CTNNA1: variants seen among roughly 807,000 people sequenced by gnomAD.
CTNNA1 encodes the protein catenin alpha-1.
In CTNNA1, 37 loss-of-function variants were observed where a neutral mutation model predicts 98.4. That is an observed-to-expected ratio of 0.38 (90% CI 0.29 to 0.49). The LOEUF (loss-of-function observed/expected upper bound fraction) is 0.49. Ranked by LOEUF, CTNNA1 falls within the 20% of genes least tolerant of loss-of-function variation. The pLI, the probability that CTNNA1 is intolerant of heterozygous loss-of-function variation, is 0.95. For missense variants in CTNNA1, 761 were observed against 1,147.2 expected, an observed-to-expected ratio of 0.66 and a Z score of 4.86; for synonymous variants, 404 against 413.2, an observed-to-expected ratio of 0.98 and a Z score of 0.27.
chr5:138,908,972 G>C (rs1759948755), intron 10 of CTNNA1, among the ~76,000 whole-genome samples: 1 of 152,044 alleles, frequency 6.6e-6, no homozygotes, highest in Admixed American at 6.6e-5. Flanking sequence ...ATTATGTTTT[G>C]CTTGTGAATG....
At chr5:138,806,471 C>G (rs1034599855) in intron 3 of CTNNA1, among the ~76,000 whole-genome samples, 1 of 151,940 alleles carries the variant, frequency 6.6e-6, no homozygotes, top group Non-Finnish European at 1.5e-5. Flanking sequence ...TGTGCTTAAT[C>G]AAAGGTGATC....
rs28363474 is a variant in CTNNA1 at position 138,925,925 on chromosome 5, G to A, written c.1899+518G>A. Among the ~76,000 whole-genome samples the A allele has an allele frequency of 1.7e-3, 256 of 152,246 alleles. 3 individuals carry two copies. The East Asian group carries it at 0.017, about 10-fold the overall frequency. On this transcript the variant is annotated intron_variant, in intron 13 of 17. Coordinates refer to ENST00000302763, the MANE Select transcript of CTNNA1 (RefSeq NM_001903.5). ...CCAGAGTGCCTGGAGGGCCTCTGTC[G>A]CAGGGGCAGAGGAGAAAGGGGCCTC... is the stretch of plus-strand genomic sequence containing the variant.
Position 138,894,277 on chromosome 5 carries a change from T to G in CTNNA1, c.1296+6635T>G, listed in dbSNP as rs546622357. Among the ~76,000 whole-genome samples, 5 of 143,998 alleles carry G rather than the reference T, an allele frequency of 3.5e-5. No homozygotes were observed. The East Asian group carries it at 9.9e-4, about 28-fold the overall frequency. The allele number at this position is 143,998 out of a possible 152,430, so 94.5% of individuals were successfully genotyped here. The stretch of plus-strand genomic sequence containing the variant: ...CATAATATAGAGCCTTTACTTTTCT[T>G]TCTCTTTTTTTTTTTTTTTTTTGAG... On this transcript the variant is annotated intron_variant, in intron 9 of 17. Coordinates refer to ENST00000302763, the MANE Select transcript of CTNNA1 (RefSeq NM_001903.5).
intron 7 of CTNNA1, among the ~76,000 whole-genome samples, chr5:138,842,510 A>G (rs2149820858): frequency 6.6e-6 from 1 of 152,328 alleles, no homozygotes; most frequent in South Asian, 2.1e-4. Flanking sequence ...GTTGTGATAA[A>G]GGATCCTCTC....
At position 138,840,799 on chromosome 5, in the gene CTNNA1, G is replaced by A. The variant is rs570950352; in HGVS notation, c.1062+13081G>A. Among the ~76,000 whole-genome samples, 13 of 151,578 alleles carry A rather than the reference G, an allele frequency of 8.6e-5. No individual in the cohort carries two copies. The South Asian group carries it at 1.7e-3, about 19-fold the overall frequency. On this transcript the variant is annotated intron_variant, in intron 7 of 17. Transcript: ENST00000302763. ...TAAATAAAAACTCATTGTGACTAGG[G>A]CAGTTAAGGATTAAACAAATTGGGT...
chr5:138,884,420 T>C (rs536378191), intron 7 of CTNNA1, among the ~76,000 whole-genome samples: 1 of 152,196 alleles, frequency 6.6e-6, no homozygotes, highest in African/African-American at 2.4e-5. Context: ...AAATTTCTCC[T>C]AAATCAGGAA....
At chr5:138,796,399 C>A (rs1490112995) in intron 3 of CTNNA1, among the ~76,000 whole-genome samples, 5 of 152,080 alleles carry the variant, frequency 3.3e-5, no homozygotes, top group African/African-American at 1.2e-4. Context: ...AAAAAATTAG[C>A]CAGGCGCGGT....
At chr5:138,756,910 G>T (rs900630354) in intron 1 of CTNNA1, among the ~76,000 whole-genome samples, 3 of 152,016 alleles carry the variant, frequency 2.0e-5, no homozygotes, top group Non-Finnish European at 4.4e-5. Context: ...ACTTAAATAT[G>T]GATTGGGGCT....
chr5:138,855,046 G>A (rs1266887388), intron 7 of CTNNA1, among the ~76,000 whole-genome samples: 1 of 152,170 alleles, frequency 6.6e-6, no homozygotes, highest in African/African-American at 2.4e-5. Context: ...TTGTTTGTTT[G>A]TTTTTGTTTT....
At chr5:138,832,410 ATGTGGTTAT>A (rs1175369921) in intron 7 of CTNNA1, among the ~76,000 whole-genome samples, 1 of 152,188 alleles carries the variant, frequency 6.6e-6, no homozygotes, top group Non-Finnish European at 1.5e-5. Flanking sequence ...TTGAAATGAA[ATGTGGTTAT>A]TGTGGTTAAG....
At position 138,873,445 on chromosome 5, in the gene CTNNA1, T is replaced by C. The variant is rs768943323; in HGVS notation, c.1063-12767T>C. On this transcript the variant is annotated intron_variant, in intron 7 of 17. Transcript: ENST00000302763. The surrounding 1 kb of genome is among the most constrained non-coding windows in gnomAD (Gnocchi z 6.1). ...ATTCAGTGGTTGGATCTCTATAAGT[T>C]GTAGCCATGACAGTGACAGTGGTTG... The C allele has an allele frequency of 6.2e-7, 1 of 1,613,916 alleles. No homozygotes were observed. Among genetic ancestry groups the C allele is most frequent in the African/African-American group, 1.3e-5 (1 of 74,926 alleles).
At chr5:138,842,119 G>A (rs28363420) in intron 7 of CTNNA1, among the ~76,000 whole-genome samples, 6 of 152,100 alleles carry the variant, frequency 3.9e-5, no homozygotes, top group Admixed American at 6.6e-5. Flanking sequence ...GGGCAACATG[G>A]CAAAACTCTA....
rs565436019 is a variant in CTNNA1 at position 138,934,749 on chromosome 5, TC to T, written c.*662del. On this transcript the variant is annotated 3_prime_UTR_variant, in exon 18 of 18. Transcript: ENST00000302763. ...TGCCATAATCAGAACACACTTTTTT[TC>T]CTCTTTCTCCCAGCTTCAAATGCAA... The T allele has an allele frequency of 3.9e-4, 60 of 152,796 alleles. No homozygotes were observed. Among genetic ancestry groups the T allele is most frequent in the African/African-American group, 1.3e-3 (56 of 41,574 alleles). The allele number at this position is 152,796 out of a possible 1,614,324, so 9.5% of individuals were successfully genotyped here. A position where few individuals can be genotyped will look rare whatever the true frequency, so the allele number is the denominator to read the frequency against.
At chr5:138,801,967 A>G (rs1163669134) in intron 3 of CTNNA1, among the ~76,000 whole-genome samples, 1 of 152,238 alleles carries the variant, frequency 6.6e-6, no homozygotes, top group East Asian at 1.9e-4. Context: ...TGTGATGTCC[A>G]AGAGAATGTG....
chr5:138,867,664 G>C (rs762614453), intron 7 of CTNNA1, among the ~76,000 whole-genome samples: 2 of 151,922 alleles, frequency 1.3e-5, no homozygotes, highest in Non-Finnish European at 2.9e-5. Flanking sequence ...TCAATGTGAA[G>C]ACAACAAGAA....
At chr5:138,795,457 GA>G (rs920167753) in intron 3 of CTNNA1, among the ~76,000 whole-genome samples, 2 of 146,012 alleles carry the variant, frequency 1.4e-5, no homozygotes, top group African/African-American at 2.5e-5. Flanking sequence ...CTCTGTCTCA[GA>G]AAAAAAAAAG....
At chr5:138,809,080 G>A (rs1214567304) in intron 3 of CTNNA1, among the ~76,000 whole-genome samples, 1 of 152,126 alleles carries the variant, frequency 6.6e-6, no homozygotes, top group African/African-American at 2.4e-5. Flanking sequence ...AAACACATGG[G>A]CTCAAGAGAT....
At chr5:138,814,953 C>T (rs1759269356) in intron 5 of CTNNA1, among the ~76,000 whole-genome samples, 1 of 152,082 alleles carries the variant, frequency 6.6e-6, no homozygotes, top group Admixed American at 6.6e-5. Context: ...GGGGTTTCAC[C>T]ATCTTGGCCA....
chr5:138,820,422 G>A (rs1370334482), intron 5 of CTNNA1, among the ~76,000 whole-genome samples: 1 of 152,136 alleles, frequency 6.6e-6, no homozygotes, highest in Non-Finnish European at 1.5e-5. Context: ...CAGCAATGTG[G>A]ATTCTAGGCA....
Sources: gnomAD v4.1 joint callset for allele counts (sites outside exome capture counted in the v4.1 genomes callset) on GRCh38, gnomAD v4.1.1 for gene constraint, Gnocchi (gnomAD v3.1) non-coding constraint, MANE v1.5 for transcripts, NCBI Gene and HGNC (gene_info 2026-07-23, HGNC 2026-07-21) for gene names.